Variants in CNTN5 observed in about 807,000 individuals in gnomAD.
The protein encoded by CNTN5 is contactin-5.
A neutral mutation model predicts 129.1 loss-of-function variants in CNTN5; 77 were observed. The observed-to-expected ratio is 0.60, with a 90% CI of 0.50 to 0.72. The LOEUF (loss-of-function observed/expected upper bound fraction) is 0.72, where lower values mean the gene tolerates loss of function less well. Ranked by LOEUF, CNTN5 falls within the 30% of genes least tolerant of loss-of-function variation. CNTN5 has a pLI of 0.00. For synonymous variants in CNTN5, 509 were observed against 465.6 expected, an observed-to-expected ratio of 1.09 and a Z score of -1.20; for missense variants, 1,478 against 1,328.8, an observed-to-expected ratio of 1.11 and a Z score of -1.75.
At position 100,308,476 on chromosome 11, in the gene CNTN5, C is replaced by T. The variant is rs760841039; in HGVS notation, c.2730+8C>T. On this transcript the variant is annotated splice_region_variant and intron_variant, in intron 21 of 24. Transcript: ENST00000524871. ...AGACCACAGGGATTTGAGGTATGAACAGAATGATTGAAAATAAGCCTTATT... is the reference window on the plus strand; with the variant it reads ...AGACCACAGGGATTTGAGGTATGAATAGAATGATTGAAAATAAGCCTTATT... 1.2e-6 allele frequency: 2 copies of T among 1,607,292 alleles called. No individual in the cohort carries two copies. The highest frequency in any genetic ancestry group is 4.5e-5 in the East Asian group (2 of 44,700).
At position 99,172,373 on chromosome 11, in the gene CNTN5, GT is replaced by G. The variant is rs1861186754; in HGVS notation, c.-210+151106del. 5.3e-5 allele frequency among the ~76,000 whole-genome samples: 8 copies of G among 152,224 alleles called. No homozygotes were observed. The South Asian group carries it at 1.7e-3, about 32-fold the overall frequency. On this transcript the variant is annotated intron_variant, in intron 1 of 24. Transcript: ENST00000524871. ...ATTGCGTATCCAAGATTTCCATTTT[GT>G]TTAATAAGTTCGTTTAATTAAATTA...
intron 16 of CNTN5, among the ~76,000 whole-genome samples, chr11:100,227,858 G>A (rs1387948485): frequency 6.6e-6 from 1 of 152,130 alleles, no homozygotes. Flanking sequence ...AAGGGAGGTA[G>A]ATATGTAAGA....
chr11:99,578,902 C>A (rs951151476), intron 3 of CNTN5, among the ~76,000 whole-genome samples: 1 of 152,162 alleles, frequency 6.6e-6, no homozygotes, highest in Non-Finnish European at 1.5e-5. Context: ...GAAGTCCTTG[C>A]CCATGCCTAT....
At chr11:100,350,582 T>C in intron 23 of CNTN5, 120 bp from the exon 24 acceptor site, 1 of 644,556 alleles carries the variant, frequency 1.6e-6, no homozygotes, top group Non-Finnish European at 2.6e-6. Flanking sequence ...TACATTTGCT[T>C]ATGTATCTGT....
chr11:99,458,329 T>TA (rs1944567187), intron 2 of CNTN5, among the ~76,000 whole-genome samples: 1 of 151,984 alleles, frequency 6.6e-6, no homozygotes, highest in Admixed American at 6.6e-5. Flanking sequence ...CCTTCAGTGT[T>TA]ACATGTTAAA....
chr11:99,382,079 G>A (rs1326622862), intron 2 of CNTN5, among the ~76,000 whole-genome samples: 2 of 152,088 alleles, frequency 1.3e-5, no homozygotes. Flanking sequence ...AATGCCTCAG[G>A]GAAAAATCAT....
At chr11:99,887,103 A>G (rs888733372) in intron 6 of CNTN5, among the ~76,000 whole-genome samples, 2 of 152,182 alleles carry the variant, frequency 1.3e-5, no homozygotes, top group African/African-American at 4.8e-5. Flanking sequence ...TGATAATATT[A>G]TATAATTATT....
intron 20 of CNTN5, among the ~76,000 whole-genome samples, chr11:100,306,959 A>T (rs764502203): frequency 6.6e-6 from 1 of 151,790 alleles, no homozygotes; most frequent in Non-Finnish European, 1.5e-5. Flanking sequence ...AGATGACACA[A>T]TTATAGCAAG....
intron 6 of CNTN5, among the ~76,000 whole-genome samples, chr11:99,884,430 CT>C (rs1948846429): frequency 6.6e-6 from 1 of 151,990 alleles, no homozygotes; most frequent in Admixed American, 6.6e-5. Context: ...TCAAATATAA[CT>C]TTTAAAATGA....
intron 15 of CNTN5, among the ~76,000 whole-genome samples, chr11:100,196,035 G>A (rs760291753): frequency 6.6e-6 from 1 of 151,932 alleles, no homozygotes; most frequent in Non-Finnish European, 1.5e-5. Context: ...GCTGAGAAGA[G>A]AGCCAAGTGG....
intron 6 of CNTN5, among the ~76,000 whole-genome samples, chr11:99,898,064 A>G (rs755332169): frequency 3.3e-5 from 5 of 152,144 alleles, no homozygotes; most frequent in Non-Finnish European, 5.9e-5. Context: ...CCTCCTGAAT[A>G]CAGTGAAGGC....
intron 2 of CNTN5, among the ~76,000 whole-genome samples, chr11:99,399,542 C>T (rs951662378): frequency 5.9e-5 from 9 of 151,374 alleles, no homozygotes; most frequent in East Asian, 1.9e-4. Context: ...AGATAAGAGC[C>T]GATTATGTAA....
chr11:99,640,648 A>G (rs1591405231), intron 3 of CNTN5, among the ~76,000 whole-genome samples: 1 of 152,192 alleles, frequency 6.6e-6, no homozygotes, highest in African/African-American at 2.4e-5. Context: ...ATTGTGTTAT[A>G]ATTGCCTACA....
chr11:99,931,363 T>C (rs930901067), intron 7 of CNTN5, among the ~76,000 whole-genome samples: 2 of 152,142 alleles, frequency 1.3e-5, no homozygotes, highest in African/African-American at 4.8e-5. Context: ...CACTTCAATA[T>C]GGAGTTTGTT....
intron 17 of CNTN5, among the ~76,000 whole-genome samples, chr11:100,257,551 A>C (rs558155112): frequency 1.3e-5 from 2 of 152,262 alleles, no homozygotes; most frequent in South Asian, 4.1e-4. Context: ...TCTGGCTGGC[A>C]TCTGGTGGGT....
intron 8 of CNTN5, among the ~76,000 whole-genome samples, chr11:99,959,643 G>A (rs1035366613): frequency 3.3e-5 from 5 of 152,146 alleles, no homozygotes; most frequent in African/African-American, 1.2e-4. Context: ...AGTTGACGTT[G>A]TTGACACTTT....
intron 2 of CNTN5, among the ~76,000 whole-genome samples, chr11:99,415,786 T>C (rs1942631207): frequency 6.6e-6 from 1 of 152,126 alleles, no homozygotes; most frequent in Non-Finnish European, 1.5e-5. Flanking sequence ...GTGCAATCAT[T>C]CCTTTCCATT....
intron 12 of CNTN5, among the ~76,000 whole-genome samples, chr11:100,073,071 C>CA (rs887834080): frequency 1.5e-5 from 2 of 137,168 alleles, no homozygotes; most frequent in South Asian, 2.5e-4. Flanking sequence ...TTCTTTGAGA[C>CA]AAAATCTCAC....
At chr11:99,272,168 A>G (rs1863204111) in intron 1 of CNTN5, among the ~76,000 whole-genome samples, 1 of 151,868 alleles carries the variant, frequency 6.6e-6, no homozygotes, top group South Asian at 2.1e-4. Flanking sequence ...CAATGTCACA[A>G]AACTAACTGG....
Sources: gnomAD v4.1 joint callset for allele counts (sites outside exome capture counted in the v4.1 genomes callset) on GRCh38, gnomAD v4.1.1 for gene constraint, MANE v1.5 for transcripts, NCBI Gene and HGNC (gene_info 2026-07-23, HGNC 2026-07-21) for gene names.